Variants in SPINK14 observed in about 807,000 individuals in gnomAD.
The protein encoded by SPINK14 is serine peptidase inhibitor Kazal type 14 (putative).
Under a neutral mutation model 14.2 loss-of-function variants are expected in SPINK14, and 6 were observed. The ratio of observed to expected loss-of-function variants is 0.42; its 90% CI spans 0.23 to 0.83. The LOEUF is 0.83. SPINK14 is among the 40% of genes least tolerant of loss of function. The pLI, the probability that SPINK14 is intolerant of heterozygous loss-of-function variation, is 0.28. For missense variants in SPINK14, 86 were observed against 108.3 expected (o/e 0.79, Z 0.91); for synonymous variants, 34 against 36.8 (o/e 0.92, Z 0.27).
At chr5:148,171,026 T>G in intron 3 of SPINK14, 53 bp downstream of exon 3, 3 of 1,548,580 alleles carry the variant, frequency 1.9e-6, no homozygotes, top group Non-Finnish European at 2.7e-6. Flanking sequence ...ATGAGTTCTT[T>G]TTTTTTGGAA....
intron 1 of SPINK14, among the ~76,000 whole-genome samples, 152 bp from the exon 2 acceptor site, chr5:148,169,509 A>G (rs765500113): frequency 2.0e-5 from 3 of 152,156 alleles, no homozygotes; most frequent in Non-Finnish European, 4.4e-5. Flanking sequence ...TTTAATCAAG[A>G]TAGTTATTCA....
intron 2 of SPINK14, among the ~76,000 whole-genome samples, chr5:148,170,164 A>G (rs1023152532): frequency 1.8e-5 from 2 of 110,586 alleles, no homozygotes; most frequent in African/African-American, 3.2e-5. Flanking sequence ...CAGAGTATAT[A>G]TATATATATA....
At chr5:148,171,009 T>C (rs1755097824) in intron 3 of SPINK14, 36 bp downstream of exon 3, 2 of 1,590,600 alleles carry the variant, frequency 1.3e-6, no homozygotes, top group Non-Finnish European at 1.7e-6. Flanking sequence ...AGGACTTACA[T>C]TATAATATGA....
At position 148,168,774 on chromosome 5, in the gene SPINK14, A is replaced by G. The variant is rs77906787; in HGVS notation, c.-73+207A>G. On this transcript the variant is annotated intron_variant, in intron 1 of 4. Transcript: ENST00000356972. ...CATGGTAGGCAACCTTTCATAGTGT[A>G]CAAAGAACTTGCAATCATCCTGAGA... Among the ~76,000 whole-genome samples, 1,094 of 152,250 alleles carry G rather than the reference A, an allele frequency of 7.2e-3. 44 individuals are homozygous for G. In the East Asian group the frequency reaches 0.13, roughly 18 times the overall value.
At chr5:148,174,482 T>C in intron 4 of SPINK14, 112 bp downstream of exon 4, 1 of 620,756 alleles carries the variant, frequency 1.6e-6, no homozygotes, top group Admixed American at 2.5e-5. Flanking sequence ...TTTGCTCCAG[T>C]TCACACAGAT....
chr5:148,171,508 C>T (rs1755105539), intron 3 of SPINK14, among the ~76,000 whole-genome samples: 1 of 152,118 alleles, frequency 6.6e-6, no homozygotes, highest in East Asian at 1.9e-4. Flanking sequence ...TTTTCATTTT[C>T]GTCTACCTTA....
chr5:148,172,219 G>A (rs1755114502), intron 3 of SPINK14, among the ~76,000 whole-genome samples: 1 of 152,130 alleles, frequency 6.6e-6, no homozygotes, highest in African/African-American at 2.4e-5. Context: ...AGACTTGAAG[G>A]ATAAAAAGTA....
At chr5:148,169,137 G>A (rs1267541984) in intron 1 of SPINK14, among the ~76,000 whole-genome samples, 1 of 152,100 alleles carries the variant, frequency 6.6e-6, no homozygotes, top group Admixed American at 6.5e-5. Context: ...GGCAGATAAT[G>A]ATTTTTCTCC....
intron 2 of SPINK14, among the ~76,000 whole-genome samples, chr5:148,170,345 G>A (rs1023605336): frequency 6.6e-6 from 1 of 151,996 alleles, no homozygotes; most frequent in South Asian, 2.1e-4. Context: ...ACATGTAAAA[G>A]TGACTAGCAA....
intron 4 of SPINK14, 30 bp from the exon 5 acceptor site, chr5:148,175,323 A>G (rs1755153219): frequency 3.5e-6 from 5 of 1,422,448 alleles, no homozygotes; most frequent in Non-Finnish European, 4.9e-6. Flanking sequence ...GTATTACTAA[A>G]TGAAATGTTT....
At chr5:148,172,800 C>CAG (rs952832099) in intron 3 of SPINK14, among the ~76,000 whole-genome samples, 3 of 151,382 alleles carry the variant, frequency 2.0e-5, no homozygotes, top group African/African-American at 7.3e-5. Flanking sequence ...GTGGTTATGA[C>CAG]ACGTCAGAAG....
chr5:148,170,832 T>C, intron 2 of SPINK14, 98 bp from the exon 3 acceptor site: 1 of 1,060,632 alleles, frequency 9.4e-7, no homozygotes, highest in Non-Finnish European at 1.4e-6. Context: ...TGCTGAAAAC[T>C]TCCTTGATAA....
At position 148,169,871 on chromosome 5, in the gene SPINK14, G is replaced by A. The variant is rs190384604; in HGVS notation, c.67+72G>A. The A allele has an allele frequency of 2.0e-3, 2,467 of 1,253,672 alleles. 7 individuals are homozygous for A. Among genetic ancestry groups the A allele is most frequent in the Non-Finnish European group, 2.4e-3 (2,161 of 883,082 alleles). 77.7% of individuals were successfully genotyped at this position (1,253,672 alleles called of 1,614,324 possible). A position where few individuals can be genotyped will look rare whatever the true frequency, so the allele number is the denominator to read the frequency against. On this transcript the variant is annotated intron_variant, in intron 2 of 4. Transcript: ENST00000356972. ...GGCTTTTACATCATAATCTGAGAGA[G>A]AATGCTTTGAAATTGTTCTTTAACT...
intron 2 of SPINK14, 85 bp downstream of exon 2, chr5:148,169,884 T>C (rs1755077720): frequency 1.4e-5 from 16 of 1,112,784 alleles, no homozygotes; most frequent in Non-Finnish European, 2.0e-5. Flanking sequence ...TGCTTTGAAA[T>C]TGTTCTTTAA....
intron 3 of SPINK14, among the ~76,000 whole-genome samples, chr5:148,172,422 C>A (rs1755117644): frequency 6.6e-6 from 1 of 152,122 alleles, no homozygotes; most frequent in Non-Finnish European, 1.5e-5. Flanking sequence ...TATTTATAGA[C>A]AACAATATAA....
chr5:148,171,360 C>T (rs1755103508), intron 3 of SPINK14, among the ~76,000 whole-genome samples: 1 of 152,100 alleles, frequency 6.6e-6, no homozygotes, highest in Non-Finnish European at 1.5e-5. Context: ...TTGAGATGTA[C>T]AGAGAATGCC....
At position 148,175,374 on chromosome 5, in the gene SPINK14, G is replaced by C; in HGVS notation, c.270G>C (p.Arg90Ser). The change falls in exon 5 of 5, where the codon AGG (arginine) becomes AGC (serine). Residue 90 changes from arginine (R) to serine (S), a missense_variant. Arg to Ser is a moderately radical substitution (Grantham distance 110). Transcript: ENST00000356972. ...TTAGGAAATCTCATGGAAGAATCAGGTTTTACCATGATGGAAAATGTTAGC... is the reference window on the plus strand; with the variant it reads ...TTAGGAAATCTCATGGAAGAATCAGCTTTTACCATGATGGAAAATGTTAGC... ...VESLKSHGRI[R>S]FYHDGKC 6.2e-7 allele frequency: 1 copy of C among 1,604,982 alleles called. No individual in the cohort carries two copies. The highest frequency in any genetic ancestry group is 8.5e-7 in the Non-Finnish European group (1 of 1,174,100).
chr5:148,171,707 T>C (rs1414422903), intron 3 of SPINK14, among the ~76,000 whole-genome samples: 1 of 152,176 alleles, frequency 6.6e-6, no homozygotes, highest in Non-Finnish European at 1.5e-5. Context: ...TAAAAAAGTC[T>C]GTCATGAGTT....
intron 2 of SPINK14, 100 bp from the exon 3 acceptor site, chr5:148,170,830 A>G (rs1397099010): frequency 9.7e-7 from 1 of 1,029,894 alleles, no homozygotes; most frequent in Non-Finnish European, 1.5e-6. Flanking sequence ...ATTGCTGAAA[A>G]CTTCCTTGAT....
Sources: gnomAD v4.1 joint callset for allele counts (sites outside exome capture counted in the v4.1 genomes callset) on GRCh38, gnomAD v4.1.1 for gene constraint, MANE v1.5 for transcripts, NCBI Gene and HGNC (gene_info 2026-07-23, HGNC 2026-07-21) for gene names.